WDR31: variants seen among roughly 807,000 people sequenced by gnomAD.
WDR31 encodes the protein WD repeat-containing protein 31.
In WDR31, 30 loss-of-function variants were observed where a neutral mutation model predicts 47.3. That is an observed-to-expected ratio of 0.63 (90% confidence interval 0.47 to 0.86). The LOEUF is 0.86. Ranked by LOEUF, WDR31 falls within the 40% of genes least tolerant of loss-of-function variation. WDR31 has a pLI of 0.00. For synonymous variants in WDR31, 137 were observed against 159.4 expected, an observed-to-expected ratio of 0.86 and a Z score of 1.06; for missense variants, 406 against 442.9, an observed-to-expected ratio of 0.92 and a Z score of 0.75.
intron 1 of WDR31, among the ~76,000 whole-genome samples, chr9:113,338,617 A>ATTTT (rs35905911): frequency 7.2e-6 from 1 of 139,022 alleles, no homozygotes; most frequent in Non-Finnish European, 1.6e-5. Flanking sequence ...GTGGTACGCT[A>ATTTT]TTTTTTTTTT....
At chr9:113,330,390 C>T (rs1833570953) in intron 4 of WDR31, among the ~76,000 whole-genome samples, 3 of 152,172 alleles carry the variant, frequency 2.0e-5, no homozygotes, top group Admixed American at 2.0e-4. Context: ...TGTGAGCCAC[C>T]ACACCCGGCC....
rs10817478 is a variant in WDR31 at position 113,316,240 on chromosome 9, T to C, written c.*509A>G. The C allele has an allele frequency of 0.28, 43,094 of 152,466 alleles. 6,674 individuals are homozygous for C. Among genetic ancestry groups the C allele is most frequent in the Non-Finnish European group, 0.35 (24,150 of 68,164 alleles). 9.4% of individuals were successfully genotyped at this position (152,466 alleles called of 1,614,324 possible). A position where few individuals can be genotyped will look rare whatever the true frequency, so the allele number is the denominator to read the frequency against. The stretch of plus-strand genomic sequence containing the variant: ...TCTTCACATTGCTGAGGAGCAGTGA[T>C]TGAAGCTTAATCTCATTGTCTACAG... On this transcript the variant is annotated 3_prime_UTR_variant, in exon 11 of 11. Coordinates refer to ENST00000374193, the MANE Select transcript of WDR31 (RefSeq NM_001012361.4).
chr9:113,327,115 C>T (rs1302161681), intron 5 of WDR31, among the ~76,000 whole-genome samples: 2 of 152,220 alleles, frequency 1.3e-5, no homozygotes, highest in African/African-American at 4.8e-5. Context: ...GCATTACAGG[C>T]ATGAGCCACT....
At chr9:113,321,151 C>T (rs948217910) in intron 8 of WDR31, among the ~76,000 whole-genome samples, 2 of 152,232 alleles carry the variant, frequency 1.3e-5, no homozygotes, top group Non-Finnish European at 2.9e-5. Context: ...TGACTGAGAA[C>T]ACCAGGAGCC....
At chr9:113,332,093 G>C in intron 2 of WDR31, 43 bp from the exon 3 acceptor site, 5 of 1,355,054 alleles carry the variant, frequency 3.7e-6, no homozygotes, top group Non-Finnish European at 5.2e-6. Flanking sequence ...ATTTTGTTAG[G>C]CACAATAGTA....
At position 113,331,853 on chromosome 9, in the gene WDR31, A is replaced by G. The variant is rs1833604676; in HGVS notation, c.116+54T>C. On this transcript the variant is annotated intron_variant, in intron 3 of 10. Coordinates refer to ENST00000374193, the MANE Select transcript of WDR31 (RefSeq NM_001012361.4). ...CCTGGGCCTTCTCTTTCTTCAGTGG[A>G]GAGTTTTAATGGGGCATGATAAAAC... is the stretch of plus-strand genomic sequence containing the variant. 3 of 1,539,050 alleles carry G rather than the reference A, an allele frequency of 1.9e-6. No homozygotes were observed. The South Asian group carries it at 3.4e-5, about 17-fold the overall frequency.
At chr9:113,338,518 G>A (rs1335572705) in intron 1 of WDR31, among the ~76,000 whole-genome samples, 1 of 152,108 alleles carries the variant, frequency 6.6e-6, no homozygotes, top group African/African-American at 2.4e-5. Flanking sequence ...TTGTATCTAT[G>A]ATTTGACCTT....
Position 113,323,046 on chromosome 9 carries a change from T to G in WDR31, c.434A>C (p.His145Pro). 6.2e-7 allele frequency: 1 copy of G among 1,614,202 alleles called. No homozygotes were observed. Among genetic ancestry groups the G allele is most frequent in the Non-Finnish European group, 8.5e-7 (1 of 1,180,022 alleles). ...SSQPRQQLCG[H>P]AMVVTGLAVS... Reference sequence around the variant, plus strand: ...AGCCAATCCGGTGACCACCATGGCATGGCCACACAATTGCTGCCTTGGTTG... The same window carrying G: ...AGCCAATCCGGTGACCACCATGGCAGGGCCACACAATTGCTGCCTTGGTTG... Residue 145 changes from histidine to proline, a missense_variant, in exon 6 of 11, where the codon CAT becomes CCT. By Grantham distance (77) the His-to-Pro change is moderately conservative. Transcript: ENST00000374193.
At chr9:113,326,638 T>C (rs1833476352) in intron 5 of WDR31, among the ~76,000 whole-genome samples, 1 of 152,058 alleles carries the variant, frequency 6.6e-6, no homozygotes, top group African/African-American at 2.4e-5. Flanking sequence ...ACCGAATATA[T>C]TTGTATTTTT....
rs142583963 is a variant in WDR31, at chr9:113,320,902, AG to A, written c.639-405del. Among the ~76,000 whole-genome samples, 1,217 of 152,348 alleles carry A rather than the reference AG, an allele frequency of 8.0e-3. 12 individuals carry two copies. The highest frequency in any genetic ancestry group is 0.028 in the African/African-American group (1,156 of 41,578). On this transcript the variant is annotated intron_variant, in intron 8 of 10. Transcript: ENST00000374193. ...GTCATCATTCAGAATTAGTTACAAA[AG>A]ATTTACATACAGGTCATGGCCAGCC...
intron 5 of WDR31, among the ~76,000 whole-genome samples, chr9:113,326,401 T>C (rs1224342629): frequency 6.6e-6 from 1 of 151,800 alleles, no homozygotes; most frequent in East Asian, 1.9e-4. Flanking sequence ...CTTTCTTTCC[T>C]TCTTTCCGTC....
chr9:113,321,991 C>T (rs942435519), intron 7 of WDR31, among the ~76,000 whole-genome samples: 7 of 152,074 alleles, frequency 4.6e-5, no homozygotes, highest in Non-Finnish European at 1.0e-4. Context: ...TCCAAAATAA[C>T]CCGAAATAAC....
intron 4 of WDR31, among the ~76,000 whole-genome samples, chr9:113,330,397 G>T (rs565938104): frequency 6.6e-6 from 1 of 152,132 alleles, no homozygotes; most frequent in African/African-American, 2.4e-5. Flanking sequence ...CACCACACCC[G>T]GCCCATTATT....
intron 5 of WDR31, among the ~76,000 whole-genome samples, chr9:113,328,542 T>G (rs544801604): frequency 6.6e-6 from 1 of 152,358 alleles, no homozygotes; most frequent in East Asian, 1.9e-4. Context: ...CACAGGGATT[T>G]TGTCACTTTC....
At chr9:113,331,848 A>C (rs982024686) in intron 3 of WDR31, 59 bp downstream of exon 3, 4 of 1,514,054 alleles carry the variant, frequency 2.6e-6, no homozygotes, top group Non-Finnish European at 3.7e-6. Context: ...CTCTTTCTTC[A>C]GTGGAGAGTT....
intron 2 of WDR31, among the ~76,000 whole-genome samples, chr9:113,335,757 A>G (rs1468255752): frequency 2.6e-5 from 4 of 152,130 alleles, no homozygotes; most frequent in African/African-American, 9.7e-5. Flanking sequence ...GCCTCATCCC[A>G]TTATGTGTCC....
At chr9:113,334,755 C>A (rs998454626) in intron 2 of WDR31, among the ~76,000 whole-genome samples, 6 of 144,486 alleles carry the variant, frequency 4.2e-5, no homozygotes, top group African/African-American at 1.5e-4. Context: ...CAGGGTTTCA[C>A]CATTTTTTGG....
Position 113,316,922 on chromosome 9 carries a change from G to T in WDR31, c.944-13C>A. ...GTGAAAAGGCAGGCTGGGGGGGAAAGGGGGACCAGCAGATTAGGCCAAGAG... is the reference window on the plus strand; with the variant it reads ...GTGAAAAGGCAGGCTGGGGGGGAAATGGGGACCAGCAGATTAGGCCAAGAG... On this transcript the variant is annotated splice_polypyrimidine_tract_variant and intron_variant, in intron 10 of 10. Transcript: ENST00000374193. 1 of 1,612,470 alleles carries T rather than the reference G, an allele frequency of 6.2e-7. No individual in the cohort carries two copies. The highest frequency in any genetic ancestry group is 8.5e-7 in the Non-Finnish European group (1 of 1,179,346).
rs758994463 is a variant in WDR31 at position 113,323,023 on chromosome 9, C to A, written c.457G>T (p.Ala153Ser). Residue 153 changes from alanine (A) to serine (S), a missense_variant, in exon 6 of 11, where the codon GCT (alanine) becomes TCT (serine). Physicochemically the swap from Ala to Ser is moderately conservative, Grantham distance 99 (BLOSUM62 1). Transcript: ENST00000374193. ...CGCTTTGTTTTACCTGGACTCACAG[C>A]CAATCCGGTGACCACCATGGCATGG... ...CGHAMVVTGL[A>S]VSPDSSQLCT... The A allele has an allele frequency of 6.2e-7, 1 of 1,614,060 alleles. No individual in the cohort carries two copies. Among genetic ancestry groups the A allele is most frequent in the Non-Finnish European group, 8.5e-7 (1 of 1,179,962 alleles).
Sources: allele counts gnomAD v4.1 joint callset (sites outside exome capture counted in the v4.1 genomes callset), GRCh38; gene constraint gnomAD v4.1.1; transcripts MANE v1.5; gene names NCBI Gene and HGNC (gene_info 2026-07-23, HGNC 2026-07-21).